RABGAP1L: variants seen among roughly 807,000 people sequenced by gnomAD.
The protein encoded by RABGAP1L is RAB GTPase activating protein 1 like, also known as rab GTPase-activating protein 1-like.
A neutral mutation model predicts 137.7 loss-of-function variants in RABGAP1L; 63 were observed. That is an observed-to-expected ratio of 0.46 (90% CI 0.37 to 0.56). The LOEUF (loss-of-function observed/expected upper bound fraction) is 0.56. Ranked by LOEUF, RABGAP1L falls within the 20% of genes least tolerant of loss-of-function variation. The pLI, the probability that RABGAP1L is intolerant of heterozygous loss-of-function variation, is 0.00. For synonymous variants in RABGAP1L, 431 were observed against 433.7 expected (o/e 0.99, Z 0.08); for missense variants, 1,095 against 1,244.0 (o/e 0.88, Z 1.80).
intron 13 of RABGAP1L, chr1:174,548,026 C>A: frequency 6.4e-7 from 1 of 1,550,526 alleles, no homozygotes; most frequent in African/African-American, 1.4e-5. Flanking sequence ...CCTAAAACAC[C>A]AACTTATTAA....
intron 13 of RABGAP1L, among the ~76,000 whole-genome samples, chr1:174,421,764 TTGTTTTGTG>T (rs1356496514): frequency 6.6e-6 from 1 of 152,166 alleles, no homozygotes; most frequent in African/African-American, 2.4e-5. Flanking sequence ...TGTTGTTTGT[TTGTTTTGTG>T]TGTTTTTGTT....
At chr1:174,258,047 G>A (rs1673266618) in intron 7 of RABGAP1L, among the ~76,000 whole-genome samples, 1 of 152,026 alleles carries the variant, frequency 6.6e-6, no homozygotes, top group Non-Finnish European at 1.5e-5. Flanking sequence ...AATGTTAATT[G>A]ACTAAGATTT....
Position 174,699,645 on chromosome 1 carries a change from A to T in RABGAP1L, c.2020A>T (p.Met674Leu). 2 of 1,602,130 alleles carry T rather than the reference A, an allele frequency of 1.2e-6. No homozygotes were observed. Among genetic ancestry groups the T allele is most frequent in the Non-Finnish European group, 1.7e-6 (2 of 1,172,162 alleles). Residue 674 changes from methionine (M) to leucine (L), a missense_variant, in exon 16 of 26, where the codon ATG becomes TTG. By Grantham distance (15) the Met-to-Leu change is conservative (BLOSUM62 2). This residue lies in a region of RABGAP1L where 315 missense variants were observed against 324.8 expected (regional missense o/e 0.97). Coordinates refer to ENST00000681986, the MANE Select transcript of RABGAP1L (RefSeq NM_001366446.1). ...HCKFYQLERLMQEQLPDLHSH... is the reference protein window; with the variant it reads ...HCKFYQLERLLQEQLPDLHSH... ...CAAATTCTACCAGTTGGAGAGACTAATGCAGGTAAATAAAAATTAGGAACT... is the reference window on the plus strand; with the variant it reads ...CAAATTCTACCAGTTGGAGAGACTATTGCAGGTAAATAAAAATTAGGAACT...
chr1:174,422,204 G>C (rs1334916050), intron 13 of RABGAP1L, among the ~76,000 whole-genome samples: 1 of 152,072 alleles, frequency 6.6e-6, no homozygotes, highest in Admixed American at 6.5e-5. Context: ...ACGCTTAATG[G>C]CTTTTGAACA....
chr1:174,635,056 T>TA (rs1161262822), intron 13 of RABGAP1L, among the ~76,000 whole-genome samples: 7 of 149,602 alleles, frequency 4.7e-5, no homozygotes, highest in African/African-American at 7.4e-5. Flanking sequence ...AATAATAAAA[T>TA]AAAAAAATAA....
Position 174,536,755 on chromosome 1 carries a change from G to C in RABGAP1L, c.1711-100620G>C, listed in dbSNP as rs1360908056. Among the ~76,000 whole-genome samples the C allele has an allele frequency of 2.0e-5, 3 of 152,180 alleles. No individual in the cohort carries two copies. The South Asian group carries it at 6.2e-4, about 32-fold the overall frequency. ...ATTTCAAGGAAATTTTCTAACATTAGGAAGGGAAATATTGTTAATTCTTTT... is the reference window on the plus strand; with the variant it reads ...ATTTCAAGGAAATTTTCTAACATTACGAAGGGAAATATTGTTAATTCTTTT... On this transcript the variant is annotated intron_variant, in intron 13 of 25. Transcript: ENST00000681986.
intron 1 of RABGAP1L, among the ~76,000 whole-genome samples, chr1:174,182,710 C>T (rs1666474911): frequency 6.6e-6 from 1 of 152,156 alleles, no homozygotes; most frequent in African/African-American, 2.4e-5. Context: ...TCTCTCCCCA[C>T]TTGAGTGAAT....
intron 1 of RABGAP1L, among the ~76,000 whole-genome samples, chr1:174,193,270 G>T (rs1217978895): frequency 6.6e-6 from 1 of 152,200 alleles, no homozygotes; most frequent in Non-Finnish European, 1.5e-5. Flanking sequence ...GGTGGCTCAC[G>T]CCTGTAATCC....
intron 17 of RABGAP1L, among the ~76,000 whole-genome samples, chr1:174,730,755 A>T (rs965983514): frequency 6.6e-6 from 1 of 152,182 alleles, no homozygotes; most frequent in African/African-American, 2.4e-5. Flanking sequence ...CACCTGAGGA[A>T]TCATCCAGCT....
At chr1:174,412,025 G>C (rs540195240) in intron 13 of RABGAP1L, among the ~76,000 whole-genome samples, 17 of 152,020 alleles carry the variant, frequency 1.1e-4, no homozygotes, top group Non-Finnish European at 1.9e-4. Flanking sequence ...TTAAGTTCAG[G>C]ATTTCTTTGT....
At chr1:174,647,326 A>G (rs1456692018) in intron 14 of RABGAP1L, among the ~76,000 whole-genome samples, 1 of 152,130 alleles carries the variant, frequency 6.6e-6, no homozygotes, top group Non-Finnish European at 1.5e-5. Flanking sequence ...CCCATTCAGT[A>G]TGATATTGGC....
At chr1:174,622,490 G>A (rs907767990) in intron 13 of RABGAP1L, among the ~76,000 whole-genome samples, 6 of 152,222 alleles carry the variant, frequency 3.9e-5, no homozygotes, top group African/African-American at 7.2e-5. Flanking sequence ...TTAAGAAAAT[G>A]TGGCACATAT....
chr1:174,694,648 C>T (rs1048684247), intron 15 of RABGAP1L, among the ~76,000 whole-genome samples: 3 of 151,646 alleles, frequency 2.0e-5, no homozygotes, highest in East Asian at 1.9e-4. Flanking sequence ...TGAATAATGC[C>T]GCAATAAACA....
chr1:174,732,236 T>G (rs893771869), intron 17 of RABGAP1L, among the ~76,000 whole-genome samples: 1 of 150,876 alleles, frequency 6.6e-6, no homozygotes, highest in Non-Finnish European at 1.5e-5. Flanking sequence ...GACTTGAAAG[T>G]AACTCTACAG....
intron 13 of RABGAP1L, among the ~76,000 whole-genome samples, chr1:174,596,251 C>G (rs536095013): frequency 6.7e-6 from 1 of 149,338 alleles, no homozygotes; most frequent in Non-Finnish European, 1.5e-5. Context: ...CGCCCACTGT[C>G]TGGCACTCCC....
At chr1:174,637,048 CTA>C (rs1294609390) in intron 13 of RABGAP1L, among the ~76,000 whole-genome samples, 9 of 152,130 alleles carry the variant, frequency 5.9e-5, no homozygotes, top group Non-Finnish European at 2.9e-5. Context: ...AAGGAACACT[CTA>C]TGTTATCCCA....
intron 13 of RABGAP1L, among the ~76,000 whole-genome samples, chr1:174,530,790 TATACATACATAC>T (rs79486666): frequency 4.8e-4 from 70 of 146,536 alleles, no homozygotes; most frequent in Admixed American, 1.7e-3. Flanking sequence ...CCAAGATTTT[TATACATACATAC>T]ATACATACAT....
chr1:174,203,199 G>A (rs996232914), intron 1 of RABGAP1L, among the ~76,000 whole-genome samples: 4 of 151,978 alleles, frequency 2.6e-5, no homozygotes, highest in Non-Finnish European at 4.4e-5. Context: ...TAAGGAAATG[G>A]TCCACCTTCA....
At chr1:174,857,672 AT>A (rs1649548994) in intron 19 of RABGAP1L, among the ~76,000 whole-genome samples, 1 of 152,158 alleles carries the variant, frequency 6.6e-6, no homozygotes, top group Non-Finnish European at 1.5e-5. Context: ...TTTCAATAAT[AT>A]CTACACCAAC....
Sources: allele counts gnomAD v4.1 joint callset (sites outside exome capture counted in the v4.1 genomes callset), GRCh38; gene constraint gnomAD v4.1.1; regional missense constraint gnomAD v4.1.1; transcripts MANE v1.5; gene names NCBI Gene and HGNC (gene_info 2026-07-23, HGNC 2026-07-21).